The following DMD variants were observed in gnomAD, a reference collection of about 807,000 sequenced individuals.
DMD encodes the protein dystrophin, also known as mutant dystrophin.
In DMD, 63 loss-of-function variants were observed where a neutral mutation model predicts 330.1. That is an observed-to-expected ratio of 0.19 (90% CI 0.16 to 0.24). DMD has a LOEUF of 0.24. Among genes scored for constraint, DMD ranks in the 10% least tolerant of loss-of-function variants. The pLI is 1.00. For missense variants in DMD, 3,344 were observed against 2,684.1 expected, an observed-to-expected ratio of 1.25 and a Z score of -5.43; for synonymous variants, 1,223 against 959.8, an observed-to-expected ratio of 1.27 and a Z score of -5.07.
intron 50 of DMD, among the ~76,000 whole-genome samples, chrX:31,787,010 TA>T (rs1411181974): frequency 4.4e-5 from 5 of 112,405 alleles, no homozygotes; most frequent in African/African-American, 1.6e-4. Context: ...TCTATTTACG[TA>T]ATAGTTTGTT....
At chrX:32,950,938 A>G (rs1318881845) in intron 2 of DMD, among the ~76,000 whole-genome samples, 1 of 111,365 alleles carries the variant, frequency 9.0e-6, no homozygotes, top group Non-Finnish European at 1.9e-5. Flanking sequence ...TCTTTTGTCC[A>G]TTGAATTTTG....
chrX:33,234,299 G>A (rs1466138399), intron 1 of DMD, among the ~76,000 whole-genome samples: 1 of 111,723 alleles, frequency 9.0e-6, no homozygotes, highest in African/African-American at 3.3e-5. Context: ...AATAGTATGA[G>A]CATGCAACGG....
At chrX:32,858,110 C>T (rs1185707155) in intron 2 of DMD, among the ~76,000 whole-genome samples, 2 of 111,094 alleles carry the variant, frequency 1.8e-5, no homozygotes, top group Admixed American at 9.6e-5. Context: ...TTCTATTAGT[C>T]ATATTCACCA....
rs73619028 is a variant in DMD at position 32,089,013 on chromosome X, A to G, written c.6439-120499T>C. On this transcript the variant is annotated intron_variant, in intron 44 of 78. Transcript: ENST00000357033. ...ATGTGTTTTTCTGGAGATCCATTCA[A>G]TACGCTATATTTAGGTATCCCTTTG... Among the ~76,000 whole-genome samples the G allele has an allele frequency of 5.3e-3, 589 of 111,843 alleles. 4 individuals carry two copies. The highest frequency in any genetic ancestry group is 0.018 in the African/African-American group (553 of 30,803).
At chrX:32,888,487 T>C (rs1488667921) in intron 2 of DMD, among the ~76,000 whole-genome samples, 1 of 111,917 alleles carries the variant, frequency 8.9e-6, no homozygotes, top group Non-Finnish European at 1.9e-5. Flanking sequence ...TCAGAATGGC[T>C]ATTCTCAAAA....
At position 32,464,645 on chromosome X, in the gene DMD, C is replaced by T. The variant is rs398123931; in HGVS notation, c.3217G>A (p.Glu1073Lys). 80 of 1,209,095 alleles carry T rather than the reference C, an allele frequency of 6.6e-5. 1 individual carries two copies. The Admixed American group carries it at 1.7e-3, about 26-fold the overall frequency. The change falls in exon 24 of 79, where the codon GAG becomes AAG. Residue 1073 changes from glutamate (E) to lysine (K), a missense_variant. By Grantham distance (56) the Glu-to-Lys change is moderately conservative. Transcript: ENST00000357033. Reference sequence around the variant, plus strand: ...GAATCCCCAAGGGCAGGCCATTCCTCCTTCAGAAAAACATCAACTTCAGCC... The same window carrying T: ...GAATCCCCAAGGGCAGGCCATTCCTTCTTCAGAAAAACATCAACTTCAGCC... Reference protein sequence around the residue: ...WMAEVDVFLKEEWPALGDSEI... With the variant: ...WMAEVDVFLKKEWPALGDSEI...
At chrX:31,808,071 C>A (rs2092348334) in intron 50 of DMD, among the ~76,000 whole-genome samples, 1 of 111,746 alleles carries the variant, frequency 8.9e-6, no homozygotes, top group Non-Finnish European at 1.9e-5. Context: ...TGGTACAGAG[C>A]AAGGCATTAA....
chrX:32,603,253 T>C (rs1311402198), intron 12 of DMD, among the ~76,000 whole-genome samples: 1 of 111,454 alleles, frequency 9.0e-6, no homozygotes, highest in Non-Finnish European at 1.9e-5. Context: ...TTAAACAACC[T>C]GCTCCTGAAT....
chrX:33,313,665 C>T (rs760748735), intron 1 of DMD, among the ~76,000 whole-genome samples: 1 of 97,909 alleles, frequency 1.0e-5, no homozygotes, highest in Admixed American at 1.2e-4. Flanking sequence ...TCTTGTTAAG[C>T]GAAGTGGATG....
intron 44 of DMD, among the ~76,000 whole-genome samples, chrX:32,089,356 G>A (rs1230835260): frequency 1.8e-5 from 2 of 111,303 alleles, no homozygotes; most frequent in Non-Finnish European, 3.8e-5. Context: ...ATTTTGCGGG[G>A]GTTTGGTGTA....
intron 76 of DMD, among the ~76,000 whole-genome samples, chrX:31,138,686 A>AGT (rs3082164): frequency 1.1e-5 from 1 of 87,472 alleles, no homozygotes; most frequent in Admixed American, 1.3e-4. Context: ...AGAGAGAGAG[A>AGT]GAAGGGGGAA....
intron 60 of DMD, among the ~76,000 whole-genome samples, chrX:31,353,258 C>T (rs2058515687): frequency 9.0e-6 from 1 of 110,871 alleles, no homozygotes; most frequent in Non-Finnish European, 1.9e-5. Context: ...CAAAGCAAGG[C>T]GTCCCAGACT....
At chrX:31,384,351 TACTACTACTAC>T (rs2060346274) in intron 60 of DMD, among the ~76,000 whole-genome samples, 1 of 110,492 alleles carries the variant, frequency 9.1e-6, no homozygotes, top group Non-Finnish European at 1.9e-5. Context: ...CTACTACTAC[TACTACTACTAC>T]TTTAGCTTCA....
intron 2 of DMD, among the ~76,000 whole-genome samples, chrX:32,903,584 T>C (rs2086492271): frequency 9.0e-6 from 1 of 111,659 alleles, no homozygotes; most frequent in Admixed American, 9.6e-5. Context: ...TTAATTTATC[T>C]TGGGTGGAGC....
intron 62 of DMD, among the ~76,000 whole-genome samples, chrX:31,302,908 T>A (rs1371448023): frequency 1.8e-5 from 2 of 111,321 alleles, no homozygotes; most frequent in Non-Finnish European, 3.8e-5. Flanking sequence ...TTGATTTAGA[T>A]TAAGAGTTCT....
At chrX:31,525,681 C>T (rs904397786) in intron 55 of DMD, among the ~76,000 whole-genome samples, 5 of 111,624 alleles carry the variant, frequency 4.5e-5, no homozygotes, top group African/African-American at 1.6e-4. Flanking sequence ...ACCTCCCATA[C>T]CTCTGAAATA....
At chrX:33,041,864 T>G in intron 1 of DMD, 1 of 566,136 alleles carries the variant, frequency 1.8e-6, no homozygotes, top group Non-Finnish European at 2.7e-6. Flanking sequence ...TTTGTCTAAT[T>G]TAATATGTCA....
chrX:32,875,420 A>G (rs1353327590), intron 2 of DMD, among the ~76,000 whole-genome samples: 3 of 112,099 alleles, frequency 2.7e-5, no homozygotes, highest in African/African-American at 9.7e-5. Flanking sequence ...AACTCTATGC[A>G]AAGTGTTTCC....
intron 1 of DMD, among the ~76,000 whole-genome samples, chrX:33,091,250 C>T (rs941198760): frequency 3.6e-5 from 4 of 111,683 alleles, no homozygotes; most frequent in Non-Finnish European, 5.7e-5. Flanking sequence ...AAAGCAGACA[C>T]ACACTTCTAT....
Sources: allele counts gnomAD v4.1 joint callset (sites outside exome capture counted in the v4.1 genomes callset), GRCh38; gene constraint gnomAD v4.1.1; transcripts MANE v1.5; gene names NCBI Gene and HGNC (gene_info 2026-07-23, HGNC 2026-07-21).